PRMT8: variants seen among roughly 807,000 people sequenced by gnomAD.
The protein encoded by PRMT8 is protein arginine methyltransferase 8, also known as protein arginine N-methyltransferase 8.
In PRMT8, 7 loss-of-function variants were observed where a neutral mutation model predicts 47.1. The observed-to-expected ratio is 0.15, with a 90% CI of 0.08 to 0.28. PRMT8 has a LOEUF of 0.28. PRMT8 is among the 10% of genes least tolerant of loss of function. The pLI, the probability that PRMT8 is intolerant of heterozygous loss-of-function variation, is 1.00. For synonymous variants in PRMT8, 188 were observed against 186.5 expected, an observed-to-expected ratio of 1.01 and a Z score of -0.07; for missense variants, 237 against 505.4, an observed-to-expected ratio of 0.47 and a Z score of 5.09.
chr12:3,476,853 G>A (rs1018143366), intron 1 of PRMT8, among the ~76,000 whole-genome samples: 6 of 152,224 alleles, frequency 3.9e-5, no homozygotes, highest in Non-Finnish European at 7.3e-5. Context: ...TAGGCACTGG[G>A]CTTCGAGTCT....
At chr12:3,467,102 T>C (rs1225310695) in intron 1 of PRMT8, among the ~76,000 whole-genome samples, 2 of 150,852 alleles carry the variant, frequency 1.3e-5, no homozygotes, top group Non-Finnish European at 3.0e-5. Context: ...TAACCGGGCG[T>C]GGTGGCGGGT....
In PRMT8 at chr12:3,462,252, T is replaced by C. The variant is rs112779116; in HGVS notation, c.49-78354T>C. Among the ~76,000 whole-genome samples the C allele has an allele frequency of 8.5e-5, 13 of 152,182 alleles. 2 individuals are homozygous for C. Among genetic ancestry groups the C allele is most frequent in the African/African-American group, 2.9e-4 (12 of 41,418 alleles). ...TCCTTTTTATGCCGTGAATGTTCAT[T>C]GCAGCGCTATTTACAATAGCAAAGA... On this transcript the variant is annotated intron_variant, in intron 1 of 9. Transcript: ENST00000452611.
rs2137133232 is a variant in PRMT8 at position 3,514,375 on chromosome 12, A to G, written c.75+22675A>G. Among the ~76,000 whole-genome samples the G allele has an allele frequency of 6.6e-6, 1 of 152,222 alleles. No homozygotes were observed. The highest frequency in any genetic ancestry group is 1.9e-4 in the East Asian group (1 of 5,170). On this transcript the variant is annotated intron_variant, in intron 1 of 9. Transcript: ENST00000382622. The surrounding 1 kb of genome is among the most constrained non-coding windows in gnomAD (Gnocchi z 5.9). The stretch of plus-strand genomic sequence containing the variant: ...TCACCTTGTGGGGGATGCCAGCACC[A>G]GATTGCTGTTGGGGTGTGGCTGGCA...
At chr12:3,518,411 A>ATTTT (rs1565428999) in intron 1 of PRMT8, among the ~76,000 whole-genome samples, 3 of 108,466 alleles carry the variant, frequency 2.8e-5, no homozygotes, top group Non-Finnish European at 4.2e-5. Flanking sequence ...TTTTTTTTTA[A>ATTTT]AAAAAAGGCC....
intron 1 of PRMT8, among the ~76,000 whole-genome samples, chr12:3,413,427 G>A (rs1485324412): frequency 6.6e-6 from 1 of 152,160 alleles, no homozygotes; most frequent in African/African-American, 2.4e-5. Flanking sequence ...TTAGCAGTGT[G>A]AGAACAAATG....
At chr12:3,443,563 C>T (rs1338091236) in intron 1 of PRMT8, among the ~76,000 whole-genome samples, 2 of 152,226 alleles carry the variant, frequency 1.3e-5, no homozygotes, top group Non-Finnish European at 2.9e-5. Flanking sequence ...GCCAAAGCCA[C>T]CATCATTTCC....
At chr12:3,432,043 T>C (rs932669017) in intron 1 of PRMT8, among the ~76,000 whole-genome samples, 1 of 152,196 alleles carries the variant, frequency 6.6e-6, no homozygotes, top group Non-Finnish European at 1.5e-5. Flanking sequence ...TCTCAGCCTG[T>C]GGGGCAAGTG....
At chr12:3,388,648 A>G (rs546685135) in intron 1 of PRMT8, among the ~76,000 whole-genome samples, 14 of 152,306 alleles carry the variant, frequency 9.2e-5, no homozygotes, top group African/African-American at 3.4e-4. Flanking sequence ...AGTTAGAGAG[A>G]TGAAGAAACT....
At chr12:3,382,253 G>A (rs537531724) in intron 1 of PRMT8, among the ~76,000 whole-genome samples, 4 of 152,208 alleles carry the variant, frequency 2.6e-5, no homozygotes, top group Non-Finnish European at 5.9e-5. Flanking sequence ...ATGCCCAGGA[G>A]TGTAATTGTG....
intron 1 of PRMT8, among the ~76,000 whole-genome samples, chr12:3,397,774 G>T (rs11830315): frequency 0.31 from 46,987 of 151,130 alleles, 8,311 homozygotes; most frequent in African/African-American, 0.48. Context: ...GTTTACCTCA[G>T]CAAGCCCGGG....
In PRMT8 at chr12:3,454,947, G is replaced by A. The variant is rs1176127139; in HGVS notation, c.48+73505G>A. Among the ~76,000 whole-genome samples, 3 of 152,100 alleles carry A rather than the reference G, an allele frequency of 2.0e-5. 1 individual carries two copies. The highest frequency in any genetic ancestry group is 3.9e-4 in the East Asian group (2 of 5,174). On this transcript the variant is annotated intron_variant, in intron 1 of 9. Coordinates refer to the PRMT8 transcript ENST00000452611. The stretch of plus-strand genomic sequence containing the variant: ...TCAGCTGGTCTAAAGGACCCCATAG[G>A]AGCTGACGCACCAAAGAATGCAGTT...
intron 1 of PRMT8, among the ~76,000 whole-genome samples, chr12:3,432,027 C>G (rs1864685408): frequency 6.6e-6 from 1 of 152,176 alleles, no homozygotes; most frequent in Non-Finnish European, 1.5e-5. Flanking sequence ...AATGCTGAAG[C>G]TTCTTTCTCA....
chr12:3,531,743 G>A (rs979301561), intron 1 of PRMT8, among the ~76,000 whole-genome samples: 10 of 152,206 alleles, frequency 6.6e-5, no homozygotes, highest in African/African-American at 2.4e-4. Flanking sequence ...CCGGCCCAAG[G>A]TCACGAAGCC....
At chr12:3,528,466 T>G (rs1865977865) in intron 1 of PRMT8, among the ~76,000 whole-genome samples, 1 of 152,218 alleles carries the variant, frequency 6.6e-6, no homozygotes, top group Non-Finnish European at 1.5e-5. Context: ...TCCTTTTTAT[T>G]TCACATAGTT....
chr12:3,593,005 C>T lies in PRMT8; in HGVS notation c.1102-94C>T. 1.1e-6 allele frequency: 1 copy of T among 944,352 alleles called. No individual in the cohort carries two copies. Among genetic ancestry groups the T allele is most frequent in the Non-Finnish European group, 1.7e-6 (1 of 588,004 alleles). 58.5% of individuals were successfully genotyped at this position (944,352 alleles called of 1,614,324 possible). On this transcript the variant is annotated intron_variant, in intron 9 of 9. Transcript: ENST00000382622. The surrounding 1 kb of genome is among the most constrained non-coding windows in gnomAD (Gnocchi z 4.8). ...CCTTAAGACGCTGGTGCTACCCATC[C>T]CTGTGGTTCCAGGAGCAGGTGGTGC...
intron 1 of PRMT8, among the ~76,000 whole-genome samples, chr12:3,426,440 C>T (rs953715597): frequency 5.9e-5 from 9 of 152,200 alleles, no homozygotes; most frequent in African/African-American, 1.7e-4. Context: ...CATAAAAGCT[C>T]TACATCTGGG....
intron 1 of PRMT8, among the ~76,000 whole-genome samples, chr12:3,424,808 TTGA>T (rs1864584316): frequency 6.6e-6 from 1 of 152,210 alleles, no homozygotes; most frequent in African/African-American, 2.4e-5. Flanking sequence ...CCTCAGTGAC[TTGA>T]TGTATATACT....
intron 1 of PRMT8, among the ~76,000 whole-genome samples, chr12:3,527,548 A>G (rs1188627200): frequency 6.6e-6 from 1 of 152,166 alleles, no homozygotes; most frequent in Non-Finnish European, 1.5e-5. Flanking sequence ...AAAGCCATAG[A>G]TAAAGGGAGA....
intron 1 of PRMT8, among the ~76,000 whole-genome samples, chr12:3,391,171 C>A (rs757831195): frequency 1.3e-5 from 2 of 152,178 alleles, no homozygotes; most frequent in East Asian, 3.9e-4. Context: ...ATTATGTGCC[C>A]GGTGCTGTTC....
Sources: gnomAD v4.1 joint callset for allele counts (sites outside exome capture counted in the v4.1 genomes callset) on GRCh38, gnomAD v4.1.1 for gene constraint, Gnocchi (gnomAD v3.1) non-coding constraint, MANE v1.5 for transcripts, NCBI Gene and HGNC (gene_info 2026-07-23, HGNC 2026-07-21) for gene names.